Variants in ESPL1 observed in about 807,000 individuals in gnomAD.
ESPL1 encodes separin.
A neutral mutation model predicts 217.2 loss-of-function variants in ESPL1; 50 were observed. The observed-to-expected ratio is 0.23, with a 90% CI of 0.18 to 0.29. The LOEUF is 0.29. Among genes scored for constraint, ESPL1 ranks in the 10% least tolerant of loss-of-function variants. ESPL1 has a pLI of 1.00. For synonymous variants in ESPL1, 994 were observed against 1,081.3 expected (o/e 0.92, Z 1.58); for missense variants, 1,834 against 2,603.0 (o/e 0.70, Z 6.43).
Position 53,270,002 on chromosome 12 carries a change from C to T in ESPL1, c.1060C>T (p.Arg354Cys), listed in dbSNP as rs567786268. ...AGGCCTGGAACGAGGCACCAAGAGG[C>T]GCTATAGACTTGATGCCATTCTGAG... Reference protein sequence around the residue: ...LSGLERGTKRRYRLDAILSLF... With the variant: ...LSGLERGTKRCYRLDAILSLF... The change falls in exon 3 of 31, where the codon CGC becomes TGC. Residue 354 changes from arginine (R) to cysteine (C), a missense_variant. Coordinates refer to ENST00000257934, the MANE Select transcript of ESPL1 (RefSeq NM_012291.5). 9 of 1,614,152 alleles carry T rather than the reference C, an allele frequency of 5.6e-6. No homozygotes were observed. The highest frequency in any genetic ancestry group is 3.3e-5 in the South Asian group (3 of 91,088).
Position 53,274,984 on chromosome 12 carries a change from G to A in ESPL1, c.1674G>A (p.Arg558=), listed in dbSNP as rs762507993. 2 of 1,556,136 alleles carry A rather than the reference G, an allele frequency of 1.3e-6. No individual in the cohort carries two copies. Among genetic ancestry groups the A allele is most frequent in the Non-Finnish European group, 1.7e-6 (2 of 1,152,802 alleles). Residue 558 remains arginine (R), a synonymous_variant, in exon 7 of 31, where the codon AGG becomes AGA. Coordinates refer to ENST00000257934, the MANE Select transcript of ESPL1 (RefSeq NM_012291.5). The stretch of plus-strand genomic sequence containing the variant: ...TTCGGGTCAAGATGGATGCGGCCAG[G>A]GCTGGAGACAAGGAGCTACAGCTAA... The part of the protein sequence containing the change: ...FWVRVKMDAA[R]AGDKELQLKT...
intron 1 of ESPL1, 121 bp from the exon 2 acceptor site, chr12:53,268,634 G>T: frequency 1.6e-6 from 1 of 635,050 alleles, no homozygotes; most frequent in Non-Finnish European, 2.7e-6. Context: ...CCTGGCGTGG[G>T]TTTTCTCCCC....
intron 12 of ESPL1, 43 bp downstream of exon 12, chr12:53,279,909 G>T (rs756489583): frequency 4.0e-6 from 6 of 1,506,366 alleles, no homozygotes; most frequent in Non-Finnish European, 5.3e-6. Flanking sequence ...CAGGGGGCCC[G>T]TAGCTTTAGA....
Position 53,293,521 on chromosome 12 carries a change from A to G in ESPL1, c.*47A>G. 2.2e-6 allele frequency: 3 copies of G among 1,386,258 alleles called. No homozygotes were observed. The highest frequency in any genetic ancestry group is 1.2e-5 in the South Asian group (1 of 86,294). The allele number at this position is 1,386,258 out of a possible 1,614,324, so 85.9% of individuals were successfully genotyped here. A position where few individuals can be genotyped will look rare whatever the true frequency, so the allele number is the denominator to read the frequency against. On this transcript the variant is annotated 3_prime_UTR_variant, in exon 31 of 31. Coordinates refer to ENST00000257934, the MANE Select transcript of ESPL1 (RefSeq NM_012291.5). The surrounding 1 kb of genome is among the most constrained non-coding windows in gnomAD (Gnocchi z 4.2). ...ATGCTAGAAGCCTCATAACTGTTCT[A>G]CCTCCAAGGTTAGATTTAATCCTTA...
Position 53,271,172 on chromosome 12 carries a change from G to GTTTT in ESPL1, c.1369+390_1369+393dup, listed in dbSNP as rs1555185860. ...AAATGACCTTTCTGTATATTTAAGT[G>GTTTT]TTTTTTTTTTTTTTTTTTTGAGACA... On this transcript the variant is annotated intron_variant, in intron 5 of 30. Transcript: ENST00000257934. 9.3e-5 allele frequency among the ~76,000 whole-genome samples: 11 copies of GTTTT among 117,768 alleles called. 1 individual carries two copies. Among genetic ancestry groups the GTTTT allele is most frequent in the East Asian group, 5.5e-4 (2 of 3,648 alleles). 77.3% of individuals were successfully genotyped at this position (117,768 alleles called of 152,430 possible).
At position 53,277,808 on chromosome 12, in the gene ESPL1, T is replaced by C. The variant is rs781490605; in HGVS notation, c.2225-13T>C. 68 of 1,612,408 alleles carry C rather than the reference T, an allele frequency of 4.2e-5. No homozygotes were observed. The South Asian group carries it at 7.5e-4, about 18-fold the overall frequency. On this transcript the variant is annotated splice_polypyrimidine_tract_variant and intron_variant, in intron 10 of 30. Coordinates refer to ENST00000257934, the MANE Select transcript of ESPL1 (RefSeq NM_012291.5). ...CATGCTGAGACAGCAGTCATTTTCTTCTGGCTTAACAGCTCAGTCCAAATG... is the reference window on the plus strand; with the variant it reads ...CATGCTGAGACAGCAGTCATTTTCTCCTGGCTTAACAGCTCAGTCCAAATG...
rs377669347 is a variant in ESPL1 at position 53,270,003 on chromosome 12, G to A, written c.1061G>A (p.Arg354His). The A allele has an allele frequency of 8.7e-6, 14 of 1,614,054 alleles. No individual in the cohort carries two copies. The African/African-American group carries it at 1.3e-4, about 15-fold the overall frequency. ...LSGLERGTKR[R>H]YRLDAILSLF... is the part of the protein sequence containing the mutation. ...GGCCTGGAACGAGGCACCAAGAGGC[G>A]CTATAGACTTGATGCCATTCTGAGC... Residue 354 changes from arginine to histidine, a missense_variant, in exon 3 of 31, where the codon CGC becomes CAC. Physicochemically the swap from Arg to His is conservative, Grantham distance 29. Transcript: ENST00000257934.
rs1274301377 is a variant in ESPL1, at chr12:53,275,385, C to T, written c.1700+375C>T. ...CTGAGGCAGGAGAATGGCGTGAACC[C>T]GGGAGGCGGAGGTTGCAGTGAGCCG... On this transcript the variant is annotated intron_variant, in intron 7 of 30. Transcript: ENST00000257934. Among the ~76,000 whole-genome samples the T allele has an allele frequency of 3.3e-5, 5 of 152,078 alleles. No homozygotes were observed. The South Asian group carries it at 6.2e-4, about 19-fold the overall frequency.
intron 6 of ESPL1, 69 bp from the exon 7 acceptor site, chr12:53,274,748 C>T: frequency 1.5e-6 from 2 of 1,311,908 alleles, no homozygotes; most frequent in Non-Finnish European, 2.2e-6. Context: ...CTATTGCATG[C>T]ATATCCCCTT....
Position 53,289,440 on chromosome 12 carries a change from A to G in ESPL1, c.4959A>G (p.Ala1653=). 6.2e-7 allele frequency: 1 copy of G among 1,614,092 alleles called. No individual in the cohort carries two copies. The highest frequency in any genetic ancestry group is 2.2e-5 in the East Asian group (1 of 44,888). ...AGCACCGAGGATCACTTGAAATAGC[A>G]GACCAGCTGCAGGGGCTGAGCCTTC... The part of the protein sequence containing the change: ...AQKHRGSLEI[A]DQLQGLSLQE... Residue 1653 remains alanine (A), a synonymous_variant, in exon 22 of 31, where the codon GCA becomes GCG. Transcript: ENST00000257934.
chr12:53,273,633 C>T (rs992409397), intron 6 of ESPL1, among the ~76,000 whole-genome samples: 3 of 150,882 alleles, frequency 2.0e-5, no homozygotes, highest in Non-Finnish European at 4.4e-5. Context: ...GTGGCATGTG[C>T]CTGTAATCCC....
chr12:53,270,330 C>A, intron 3 of ESPL1, 48 bp from the exon 4 acceptor site: 1 of 1,337,286 alleles, frequency 7.5e-7, no homozygotes, highest in Non-Finnish European at 1.1e-6. Flanking sequence ...CAGCTTGGAG[C>A]CCTCTTTATC....
intron 9 of ESPL1, 44 bp downstream of exon 9, chr12:53,277,271 AT>A (rs1388116143): frequency 6.3e-7 from 1 of 1,581,550 alleles, no homozygotes; most frequent in African/African-American, 1.4e-5. Flanking sequence ...GGGTGTAGGA[AT>A]TACTGTCCCT....
rs558517333 is a variant in ESPL1, at chr12:53,288,229, C to T, written c.4434C>T (p.Ala1478=). ...ERRPQRASDQ[A]RPGPEIMRTI... ...GTCCCCAGAGGGCCAGTGACCAGGC[C>T]AGGCCTGGCCCTGAGATCATGAGGA... The change falls in exon 19 of 31, where the codon GCC becomes GCT. Residue 1478 remains alanine (A), a synonymous_variant. Transcript: ENST00000257934. The T allele has an allele frequency of 2.9e-5, 47 of 1,610,108 alleles. No homozygotes were observed. The East Asian group carries it at 7.6e-4, about 26-fold the overall frequency.
At chr12:53,287,173 C>T (rs1038748490) in intron 18 of ESPL1, 14 of 306,180 alleles carry the variant, frequency 4.6e-5, no homozygotes, top group Admixed American at 2.8e-4. Context: ...CTTGGGTTCA[C>T]GCCATTCTCC....
chr12:53,281,491 C>T lies in ESPL1; in HGVS notation c.2500-16C>T. On this transcript the variant is annotated splice_polypyrimidine_tract_variant and intron_variant, in intron 12 of 30. Transcript: ENST00000257934. The stretch of plus-strand genomic sequence containing the variant: ...CTGGCTGCCTTTCCTCATGTGCCCT[C>T]TGATTGCTTCCTTAGTTACACCTGG... 3 of 1,611,796 alleles carry T rather than the reference C, an allele frequency of 1.9e-6. No homozygotes were observed. Among genetic ancestry groups the T allele is most frequent in the Non-Finnish European group, 2.5e-6 (3 of 1,178,834 alleles).
In ESPL1 at chr12:53,269,850, T is replaced by C. The variant is rs140429726; in HGVS notation, c.908T>C (p.Val303Ala). Residue 303 changes from valine (V) to alanine (A), a missense_variant, in exon 3 of 31, where the codon GTT becomes GCT. By Grantham distance (64) the Val-to-Ala change is moderately conservative. Around this residue, in one of 5 missense-constraint regions of ESPL1, gnomAD observed 746 missense variants for 1,077.0 expected, o/e 0.69. Coordinates refer to ENST00000257934, the MANE Select transcript of ESPL1 (RefSeq NM_012291.5). The surrounding 1 kb of genome is among the most constrained non-coding windows in gnomAD (Gnocchi z 6.7). ...LCQLGVKLLQVGEEGPQAVAK... is the reference protein window; with the variant it reads ...LCQLGVKLLQAGEEGPQAVAK... Reference sequence around the variant, plus strand: ...CAGCTGGGGGTTAAGCTGCTGCAGGTTGGGGAGGAAGGACCTCAGGCAGTG... The same window carrying C: ...CAGCTGGGGGTTAAGCTGCTGCAGGCTGGGGAGGAAGGACCTCAGGCAGTG... 2.1e-4 allele frequency: 331 copies of C among 1,614,040 alleles called. No homozygotes were observed. The highest frequency in any genetic ancestry group is 2.6e-4 in the Non-Finnish European group (309 of 1,180,028).
chr12:53,292,268 T>G lies in ESPL1; in HGVS notation c.5797-10T>G. On this transcript the variant is annotated splice_polypyrimidine_tract_variant and intron_variant, in intron 27 of 30. Transcript: ENST00000257934. This position sits in a 1 kb window ranked among gnomAD's most constrained non-coding sequence, Gnocchi z 4.5. Reference sequence around the variant, plus strand: ...GACAAGCATCCTAATCGCCAGTGTCTCCTCCTCAGTATGGGGCCTCGCCAG... The same window carrying G: ...GACAAGCATCCTAATCGCCAGTGTCGCCTCCTCAGTATGGGGCCTCGCCAG... 6.3e-7 allele frequency: 1 copy of G among 1,598,056 alleles called. No individual in the cohort carries two copies. The highest frequency in any genetic ancestry group is 8.6e-7 in the Non-Finnish European group (1 of 1,165,476).
At chr12:53,287,812 CT>C (rs2120981667) in intron 18 of ESPL1, 159 bp from the exon 19 acceptor site, 2 of 643,288 alleles carry the variant, frequency 3.1e-6, no homozygotes, top group South Asian at 2.4e-5. Context: ...GTCGCTGCCC[CT>C]GATCTAGAGT....
Sources: gnomAD v4.1 joint callset for allele counts (sites outside exome capture counted in the v4.1 genomes callset) on GRCh38, gnomAD v4.1.1 for gene constraint, gnomAD v4.1.1 regional missense constraint, Gnocchi (gnomAD v3.1) non-coding constraint, MANE v1.5 for transcripts, NCBI Gene and HGNC (gene_info 2026-07-23, HGNC 2026-07-21) for gene names.